Variants in RHOU observed in about 807,000 individuals in gnomAD.
RHOU encodes the protein ras homolog family member U, also known as rho-related GTP-binding protein RhoU.
In RHOU, 8 loss-of-function variants were observed where a neutral mutation model predicts 12.6. That is an observed-to-expected ratio of 0.64 (90% CI 0.37 to 1.15). The LOEUF (loss-of-function observed/expected upper bound fraction) is 1.15, where lower values mean the gene tolerates loss of function less well. Among genes scored for constraint, RHOU ranks in the 50% most tolerant of loss-of-function variants. The probability of loss-of-function intolerance (pLI) is 0.01; values close to 1 mark genes in which losing one functional copy is unlikely to be tolerated. For synonymous variants in RHOU, 161 were observed against 147.4 expected, an observed-to-expected ratio of 1.09 and a Z score of -0.67; for missense variants, 258 against 347.0, an observed-to-expected ratio of 0.74 and a Z score of 2.04.
chr1:228,650,244 GCGCTGGGT>G, the RHOU span: 162 of 457,954 alleles, frequency 3.5e-4, 2 homozygotes, highest in Middle Eastern at 6.5e-4. Context: ...GGAGTACGTG[GCGCTGGGT>G]CGCTGGGTCG....
At chr1:228,705,167 C>T in the RHOU span, among the ~76,000 whole-genome samples, 3 of 151,776 alleles carry the variant, frequency 2.0e-5, no homozygotes, top group Admixed American at 6.6e-5. Flanking sequence ...TTCTGCACAT[C>T]GGTAGGCATC....
the RHOU span, among the ~76,000 whole-genome samples, chr1:228,707,130 A>ATATATGTATG: frequency 9.1e-6 from 1 of 110,192 alleles, no homozygotes; most frequent in African/African-American, 4.1e-5. Flanking sequence ...ATATATACAT[A>ATATATGTATG]TATATATATA....
the RHOU span, among the ~76,000 whole-genome samples, chr1:228,696,697 ACCAC>A: frequency 6.6e-6 from 1 of 151,894 alleles, no homozygotes; most frequent in African/African-American, 2.4e-5. Context: ...ACAGACATGC[ACCAC>A]CATGCCTGGC....
chr1:228,683,899 C>A, the RHOU span, among the ~76,000 whole-genome samples: 3 of 152,178 alleles, frequency 2.0e-5, no homozygotes. Context: ...GGTAGGTGTG[C>A]CTCCATGAGA....
the RHOU span, among the ~76,000 whole-genome samples, chr1:228,664,708 A>G: frequency 1.5e-3 from 226 of 152,202 alleles, 1 homozygote; most frequent in South Asian, 0.016. Flanking sequence ...ATCTCAGCTC[A>G]TTGCAACCTC....
the RHOU span, among the ~76,000 whole-genome samples, chr1:228,700,913 C>T: frequency 6.6e-6 from 1 of 151,830 alleles, no homozygotes; most frequent in African/African-American, 2.4e-5. Flanking sequence ...AGAGCAGGAC[C>T]CCATCTTTAC....
the RHOU span, among the ~76,000 whole-genome samples, chr1:228,656,471 T>C: frequency 6.6e-6 from 1 of 152,200 alleles, no homozygotes; most frequent in Admixed American, 6.5e-5. Context: ...AAGAGACTAG[T>C]GCATAAGAAA....
At chr1:228,652,209 G>T in the RHOU span, among the ~76,000 whole-genome samples, 1 of 152,204 alleles carries the variant, frequency 6.6e-6, no homozygotes, top group Non-Finnish European at 1.5e-5. Context: ...AAGGGTACTT[G>T]CTGTGTATCC....
chr1:228,687,513 C>T, the RHOU span: 548 of 1,581,660 alleles, frequency 3.5e-4, 1 homozygote, highest in African/African-American at 6.2e-3. Flanking sequence ...ACGAGGTGGC[C>T]GAATCTTCCT....
the RHOU span, among the ~76,000 whole-genome samples, chr1:228,671,712 CAAA>C: frequency 1.2e-4 from 8 of 65,262 alleles, no homozygotes; most frequent in African/African-American, 2.7e-4. Context: ...GACTCCATCT[CAAA>C]AAAAAAAAAA....
At chr1:228,690,324 GT>G in the RHOU span, among the ~76,000 whole-genome samples, 53 of 145,008 alleles carry the variant, frequency 3.7e-4, 1 homozygote, top group South Asian at 7.4e-3. Flanking sequence ...TAGTTTGTTT[GT>G]TTTTTTTTTT....
the RHOU span, among the ~76,000 whole-genome samples, chr1:228,706,469 A>G: frequency 2.0e-5 from 3 of 152,194 alleles, no homozygotes; most frequent in Non-Finnish European, 4.4e-5. Flanking sequence ...ACAGCTTGGC[A>G]TCTGCCTTAT....
the RHOU span, among the ~76,000 whole-genome samples, chr1:228,701,495 T>G: frequency 6.6e-6 from 1 of 152,094 alleles, no homozygotes; most frequent in Non-Finnish European, 1.5e-5. Flanking sequence ...CTCTTATTAT[T>G]ACTTTACAAA....
chr1:228,705,841 C>T, the RHOU span, among the ~76,000 whole-genome samples: 3 of 152,064 alleles, frequency 2.0e-5, no homozygotes, highest in African/African-American at 4.8e-5. Context: ...GTCAGGAGTT[C>T]GAGACCAGCC....
chr1:228,677,181 T>TGATA, the RHOU span, among the ~76,000 whole-genome samples: 759 of 151,690 alleles, frequency 5.0e-3, 7 homozygotes, highest in African/African-American at 0.016. Context: ...GGGTAAGGGG[T>TGATA]GATATTGTGG....
At chr1:228,656,227 C>T in the RHOU span, among the ~76,000 whole-genome samples, 2 of 152,120 alleles carry the variant, frequency 1.3e-5, no homozygotes, top group African/African-American at 2.4e-5. Flanking sequence ...AATCATGGCT[C>T]ATTGCAGCCT....
the RHOU span, among the ~76,000 whole-genome samples, chr1:228,682,434 G>C: frequency 0.02 from 3,079 of 152,256 alleles, 106 homozygotes; most frequent in African/African-American, 0.07. Context: ...GGGTGTAGGT[G>C]GGCTGAGTCC....
In RHOU at chr1:228,746,079, G is replaced by A. The variant is rs993520244; in HGVS notation, c.*2339G>A. 37 of 152,328 alleles carry A rather than the reference G, an allele frequency of 2.4e-4. No individual in the cohort carries two copies. Among genetic ancestry groups the A allele is most frequent in the African/African-American group, 8.7e-4 (36 of 41,560 alleles). The allele number at this position is 152,328 out of a possible 1,614,324, so 9.4% of individuals were successfully genotyped here. A position where few individuals can be genotyped will look rare whatever the true frequency, so the allele number is the denominator to read the frequency against. On this transcript the variant is annotated 3_prime_UTR_variant, in exon 3 of 3. Coordinates refer to ENST00000366691, the MANE Select transcript of RHOU (RefSeq NM_021205.6). The stretch of plus-strand genomic sequence containing the variant: ...GGGTTGATAACACCTTGGACTGTTA[G>A]TGTTAAAAATCTAGTGGGTTGACCT...
At chr1:228,647,605 C>A in the RHOU span, among the ~76,000 whole-genome samples, 1 of 152,162 alleles carries the variant, frequency 6.6e-6, no homozygotes, top group African/African-American at 2.4e-5. Context: ...GCGACTGCGC[C>A]GGATGAGTGA....
Sources: allele counts gnomAD v4.1 joint callset (sites outside exome capture counted in the v4.1 genomes callset), GRCh38; gene constraint gnomAD v4.1.1; transcripts MANE v1.5; gene names NCBI Gene and HGNC (gene_info 2026-07-23, HGNC 2026-07-21).